Variants in CAPN15 observed in about 807,000 individuals in gnomAD.
CAPN15 encodes the protein calpain-15.
CAPN15 carries 53 observed loss-of-function variants against 97.9 expected under a neutral mutation model. The observed-to-expected ratio is 0.54, with a 90% confidence interval of 0.43 to 0.68. CAPN15 has a LOEUF of 0.68. CAPN15 is among the 30% of genes least tolerant of loss of function. CAPN15 has a pLI of 0.00. For synonymous variants in CAPN15, 922 were observed against 722.5 expected (o/e 1.28, Z -4.43); for missense variants, 1,592 against 1,589.8 (o/e 1.00, Z -0.02).
rs1303603668 is a variant in CAPN15, at chr16:552,517, C to T, written c.2724C>T (p.Thr908=). ...FNHWGPPLPG[T]PAPQASSPSA... ...ACTGGGGGCCGCCCCTGCCGGGCAC[C>T]CCTGCCCCCCAGGGTACGTGGCCCC... is the stretch of plus-strand genomic sequence containing the variant. The change falls in exon 11 of 14, where the codon ACC becomes ACT. Residue 908 remains threonine, a synonymous_variant. Transcript: ENST00000219611. This position sits in a 1 kb window ranked among gnomAD's most constrained non-coding sequence, Gnocchi z 6.4. 5.6e-6 allele frequency: 9 copies of T among 1,602,414 alleles called. No individual in the cohort carries two copies. Among genetic ancestry groups the T allele is most frequent in the Non-Finnish European group, 6.8e-6 (8 of 1,178,114 alleles).
chr16:528,643 CTT>C (rs954128173), intron 1 of CAPN15: 38 of 834,326 alleles, frequency 4.6e-5, no homozygotes, highest in Middle Eastern at 1.2e-3. Flanking sequence ...CGGGGGAACT[CTT>C]GTGTGGTCAG....
Position 549,127 on chromosome 16 carries a change from C to A in CAPN15, c.1584C>A (p.Asp528Glu). Residue 528 changes from aspartate (D) to glutamate (E), a missense_variant, in exon 5 of 14, where the codon GAC becomes GAA. Transcript: ENST00000219611. The part of the protein sequence containing the change: ...PQEINCSVFR[D>E]HRATWSVFHT... ...AGATCAACTGCTCCGTCTTCAGGGA[C>A]CACAGGGCCACGTGGTCTGTGTTCC... 1 of 1,612,094 alleles carries A rather than the reference C, an allele frequency of 6.2e-7. No individual in the cohort carries two copies. Among genetic ancestry groups the A allele is most frequent in the Non-Finnish European group, 8.5e-7 (1 of 1,179,898 alleles).
chr16:552,910 G>A lies in CAPN15; in HGVS notation c.2952G>A (p.Gly984=), dbSNP rs1271976695. The change falls in exon 13 of 14, where the codon GGG becomes GGA. Residue 984 remains glycine, a synonymous_variant. Transcript: ENST00000219611. The surrounding 1 kb of genome is among the most constrained non-coding windows in gnomAD (Gnocchi z 6.4). Reference sequence around the variant, plus strand: ...ACTACCTGACACACGGTTGGGCGGGGCTCATCGTGGTGGTGGAGAACCGAC... The same window carrying A: ...ACTACCTGACACACGGTTGGGCGGGACTCATCGTGGTGGTGGAGAACCGAC... ...TCYYLTHGWA[G]LIVVVENRHP... The A allele has an allele frequency of 5.0e-6, 8 of 1,611,410 alleles. No individual in the cohort carries two copies. The highest frequency in any genetic ancestry group is 4.5e-5 in the East Asian group (2 of 44,832).
chr16:530,917 C>G (rs1453319791), intron 1 of CAPN15, among the ~76,000 whole-genome samples: 3 of 152,238 alleles, frequency 2.0e-5, no homozygotes, highest in Admixed American at 2.0e-4. Context: ...ACCCATGAGT[C>G]CCGTCGGGTC....
Position 537,207 on chromosome 16 carries a change from C to T in CAPN15, c.-23+1065C>T, listed in dbSNP as rs1038430100. 3 of 985,412 alleles carry T rather than the reference C, an allele frequency of 3.0e-6. No homozygotes were observed. The African/African-American group carries it at 5.2e-5, about 17-fold the overall frequency. The allele number at this position is 985,412 out of a possible 1,614,324, so 61.0% of individuals were successfully genotyped here. A position where few individuals can be genotyped will look rare whatever the true frequency, so the allele number is the denominator to read the frequency against. ...CTGCTCTCCTAGGACAGGCCTCCCT[C>T]CTGTCCAGATGGGGCCCACAGGGTC... On this transcript the variant is annotated intron_variant, in intron 3 of 13. Coordinates refer to ENST00000219611, the MANE Select transcript of CAPN15 (RefSeq NM_005632.3).
chr16:528,848 C>T (rs1009199024), intron 1 of CAPN15: 8 of 807,472 alleles, frequency 9.9e-6, no homozygotes, highest in African/African-American at 9.3e-5. Context: ...TCGGGAAACC[C>T]GGATCTCTTC....
chr16:539,274 G>A (rs1320128844), intron 3 of CAPN15: 1 of 152,256 alleles, frequency 6.6e-6, no homozygotes, highest in African/African-American at 2.4e-5. Flanking sequence ...GGAACTGCTG[G>A]TCAACCCACA....
At chr16:544,475 C>A (rs991902389) in intron 3 of CAPN15, among the ~76,000 whole-genome samples, 1 of 152,254 alleles carries the variant, frequency 6.6e-6, no homozygotes, top group African/African-American at 2.4e-5. Flanking sequence ...CACAGGCCCG[C>A]GGCCTCCACG....
rs1189003076 is a variant in CAPN15, at chr16:547,096, C to G, written c.258C>G (p.Val86=). ...GAAFLPVLNG[V]LPKPPAILGE... Reference sequence around the variant, plus strand: ...CCTTCCTGCCAGTCCTCAACGGGGTCCTCCCCAAGCCACCCGCCATCCTGG... The same window carrying G: ...CCTTCCTGCCAGTCCTCAACGGGGTGCTCCCCAAGCCACCCGCCATCCTGG... Residue 86 remains valine, a synonymous_variant, in exon 4 of 14, where the codon GTC becomes GTG. Coordinates refer to ENST00000219611, the MANE Select transcript of CAPN15 (RefSeq NM_005632.3). 1 of 1,583,240 alleles carries G rather than the reference C, an allele frequency of 6.3e-7. No individual in the cohort carries two copies. Among genetic ancestry groups the G allele is most frequent in the African/African-American group, 1.3e-5 (1 of 74,502 alleles).
intron 3 of CAPN15, among the ~76,000 whole-genome samples, chr16:545,831 C>T (rs1226406354): frequency 2.0e-5 from 3 of 152,238 alleles, no homozygotes; most frequent in African/African-American, 7.2e-5. Context: ...CACTGTGCCA[C>T]CCACAGGGGC....
intron 3 of CAPN15, among the ~76,000 whole-genome samples, chr16:542,253 G>A (rs1167252273): frequency 6.6e-6 from 1 of 152,208 alleles, no homozygotes; most frequent in Non-Finnish European, 1.5e-5. Context: ...CATTGTTTAC[G>A]AGGTTTTGCG....
chr16:537,154 G>T (rs933933103), intron 3 of CAPN15: 3 of 985,502 alleles, frequency 3.0e-6, no homozygotes, highest in Non-Finnish European at 3.6e-6. Flanking sequence ...TCTCTTCCGA[G>T]CACCCACGGG....
chr16:540,279 G>A (rs567200486), intron 3 of CAPN15: 29 of 985,488 alleles, frequency 2.9e-5, no homozygotes, highest in South Asian at 2.3e-4. Flanking sequence ...CCCCGGCAGC[G>A]GCTGGCTGGT....
Position 528,015 on chromosome 16 carries a change from C to T in CAPN15, c.-204C>T, listed in dbSNP as rs917556058. 2 of 143,748 alleles carry T rather than the reference C, an allele frequency of 1.4e-5. No individual in the cohort carries two copies. Among genetic ancestry groups the T allele is most frequent in the Non-Finnish European group, 3.1e-5 (2 of 64,722 alleles). The allele number at this position is 143,748 out of a possible 1,614,324, so 8.9% of individuals were successfully genotyped here. A position where few individuals can be genotyped will look rare whatever the true frequency, so the allele number is the denominator to read the frequency against. ...CCGGGCCGCGAGGACGAGGCGGCGCCGCCGGGCTGTGGAGGTGAGTCCCGT... is the reference window on the plus strand; with the variant it reads ...CCGGGCCGCGAGGACGAGGCGGCGCTGCCGGGCTGTGGAGGTGAGTCCCGT... On this transcript the variant is annotated 5_prime_UTR_variant, in exon 1 of 14. Transcript: ENST00000219611.
intron 1 of CAPN15, among the ~76,000 whole-genome samples, chr16:533,644 C>CA (rs977806602): frequency 1.8e-4 from 27 of 152,294 alleles, no homozygotes; most frequent in African/African-American, 6.0e-4. Flanking sequence ...CGGACAGGAT[C>CA]TTGAATGGCC....
chr16:537,040 A>C, intron 3 of CAPN15: 4 of 644,644 alleles, frequency 6.2e-6, no homozygotes, highest in Non-Finnish European at 7.7e-6. Context: ...CCATCTCTGG[A>C]GATCCCCTGG....
In CAPN15 at chr16:547,625, G is replaced by T. The variant is rs912104078; in HGVS notation, c.787G>T (p.Ala263Ser). ...GCTGCAGCCACCGGTGCCTGAGGCT[G>T]CCCAGCCGTCACCCTCTGCCGGCTG... ...PQLQPPVPEA[A>S]QPSPSAGCRG... Residue 263 changes from alanine to serine, a missense_variant, in exon 4 of 14, where the codon GCC becomes TCC. By Grantham distance (99) the Ala-to-Ser change is moderately conservative (BLOSUM62 1). Coordinates refer to ENST00000219611, the MANE Select transcript of CAPN15 (RefSeq NM_005632.3). The T allele has an allele frequency of 1.5e-5, 24 of 1,568,200 alleles. No homozygotes were observed. The Middle Eastern group carries it at 6.7e-4, about 44-fold the overall frequency.
rs1198118274 is a variant in CAPN15, at chr16:551,356, C to G, written c.2121C>G (p.Ala707=). The G allele has an allele frequency of 1.8e-5, 29 of 1,609,406 alleles. No individual in the cohort carries two copies. Among genetic ancestry groups the G allele is most frequent in the Non-Finnish European group, 2.5e-5 (29 of 1,178,740 alleles). ...GCAACATGAAGGTGGACGATTCGGC[C>G]TACGAGAGCCTGGGCCTGCGCCCCC... ...GGGNMKVDDS[A]YESLGLRPRH... is the part of the protein sequence containing the mutation. Residue 707 remains alanine, a synonymous_variant, in exon 8 of 14, where the codon GCC becomes GCG. Transcript: ENST00000219611.
chr16:550,354 C>T (rs891566130), intron 7 of CAPN15, among the ~76,000 whole-genome samples: 6 of 152,224 alleles, frequency 3.9e-5, no homozygotes, highest in African/African-American at 1.4e-4. Context: ...AGAGCCAGCC[C>T]CACAAGGCCT....
Sources: allele counts gnomAD v4.1 joint callset (sites outside exome capture counted in the v4.1 genomes callset), GRCh38; gene constraint gnomAD v4.1.1; non-coding constraint Gnocchi (gnomAD v3.1); transcripts MANE v1.5; gene names NCBI Gene and HGNC (gene_info 2026-07-23, HGNC 2026-07-21).